The following PTPRT variants were observed in gnomAD, a reference collection of about 807,000 sequenced individuals.
The protein encoded by PTPRT is receptor-type tyrosine-protein phosphatase T.
In PTPRT, 56 loss-of-function variants were observed where a neutral mutation model predicts 176.8. The observed-to-expected ratio is 0.32, with a 90% CI of 0.26 to 0.40. The LOEUF is 0.40. Ranked by LOEUF, PTPRT falls within the 10% of genes least tolerant of loss-of-function variation. PTPRT has a pLI of 1.00. For synonymous variants in PTPRT, 783 were observed against 739.0 expected (o/e 1.06, Z -0.96); for missense variants, 1,540 against 1,908.2 (o/e 0.81, Z 3.60).
intron 16 of PTPRT, among the ~76,000 whole-genome samples, chr20:42,165,118 G>A (rs1466507513): frequency 6.6e-6 from 1 of 151,998 alleles, no homozygotes; most frequent in East Asian, 1.9e-4. Flanking sequence ...CCTCTTTGCT[G>A]TCTTCCTGCT....
chr20:43,039,602 C>G (rs1986524677), intron 1 of PTPRT, among the ~76,000 whole-genome samples: 1 of 151,402 alleles, frequency 6.6e-6, no homozygotes, highest in Non-Finnish European at 1.5e-5. Context: ...AATTTAAAAA[C>G]AAATAAAAAA....
chr20:42,520,896 T>C (rs185897533), intron 7 of PTPRT, among the ~76,000 whole-genome samples: 1 of 149,176 alleles, frequency 6.7e-6, no homozygotes. Flanking sequence ...TAGTAACTCA[T>C]GCCTAAACAC....
the PTPRT span, among the ~76,000 whole-genome samples, chr20:42,059,155 T>G: frequency 2.0e-5 from 3 of 152,246 alleles, no homozygotes; most frequent in South Asian, 6.2e-4. Flanking sequence ...GAGAGGGAGA[T>G]GATGTTGCCC....
chr20:42,666,260 CTATATG>C (rs1298321929), intron 7 of PTPRT, among the ~76,000 whole-genome samples: 1 of 152,024 alleles, frequency 6.6e-6, no homozygotes, highest in Non-Finnish European at 1.5e-5. Flanking sequence ...GGTTGGCACT[CTATATG>C]TATGAGTTTC....
At chr20:42,817,184 TAAGTC>T (rs1212671165) in intron 2 of PTPRT, among the ~76,000 whole-genome samples, 32 of 152,126 alleles carry the variant, frequency 2.1e-4, no homozygotes, top group African/African-American at 7.5e-4. Flanking sequence ...ATTAAGTTAA[TAAGTC>T]AAGAAAAGCA....
At chr20:42,793,692 G>C in intron 2 of PTPRT, among the ~76,000 whole-genome samples, 1 of 152,038 alleles carries the variant, frequency 6.6e-6, no homozygotes, top group East Asian at 1.9e-4. Context: ...CTCGCAAGGG[G>C]GCAGCTAAAA....
At chr20:42,425,531 G>A (rs1036464089) in intron 9 of PTPRT, among the ~76,000 whole-genome samples, 2 of 152,164 alleles carry the variant, frequency 1.3e-5, no homozygotes, top group African/African-American at 4.8e-5. Flanking sequence ...AGATGAATAA[G>A]TTCTGGGGAT....
In PTPRT at chr20:42,462,680, C is replaced by A. The variant is rs1372608816; in HGVS notation, c.1450+9586G>T. 2.0e-5 allele frequency among the ~76,000 whole-genome samples: 3 copies of A among 152,094 alleles called. No individual in the cohort carries two copies. In the East Asian group the frequency reaches 5.8e-4, roughly 29 times the overall value. ...GGGGTTAGAGGTTATTTAAAAGTGG[C>A]CTTTTGCCCAGGGCAAACGGAAATT... On this transcript the variant is annotated intron_variant, in intron 8 of 30. Coordinates refer to ENST00000373187, the MANE Select transcript of PTPRT (RefSeq NM_007050.6).
intron 16 of PTPRT, among the ~76,000 whole-genome samples, chr20:42,179,481 T>A (rs1370649268): frequency 1.3e-5 from 2 of 152,168 alleles, no homozygotes; most frequent in Non-Finnish European, 2.9e-5. Context: ...AGATAAAAAA[T>A]CCATTCCCTA....
intron 9 of PTPRT, among the ~76,000 whole-genome samples, chr20:42,434,304 C>G (rs78624678): frequency 6.6e-6 from 1 of 150,596 alleles, no homozygotes; most frequent in Non-Finnish European, 1.5e-5. Context: ...GTTGCCTTAA[C>G]CTTGACTCAA....
chr20:42,636,566 C>T (rs1300510143), intron 7 of PTPRT, among the ~76,000 whole-genome samples: 1 of 152,002 alleles, frequency 6.6e-6, no homozygotes, highest in African/African-American at 2.4e-5. Flanking sequence ...GGGGGCATCA[C>T]TTGAGATCAG....
Position 42,315,753 on chromosome 20 carries a change from G to A in PTPRT, c.2109C>T (p.Ile703=), listed in dbSNP as rs1233574724. Residue 703 remains isoleucine (I), a synonymous_variant, in exon 12 of 31, where the codon ATC becomes ATT. Transcript: ENST00000373187. ...TGGCTTTGCTGAGTGCCTGGAAGTA[G>A]ATGCTGTAGCTTTTCAGGGGAGAGA... ...PPLSPLKSYS[I]YFQALSKANG... is the part of the protein sequence containing the mutation. 9 of 1,614,012 alleles carry A rather than the reference G, an allele frequency of 5.6e-6. No individual in the cohort carries two copies. Among genetic ancestry groups the A allele is most frequent in the Non-Finnish European group, 7.6e-6 (9 of 1,180,006 alleles).
At chr20:42,788,247 C>T (rs566310296) in intron 3 of PTPRT, among the ~76,000 whole-genome samples, 2 of 118,420 alleles carry the variant, frequency 1.7e-5, no homozygotes, top group Admixed American at 8.6e-5. Context: ...CCAAGGCCAG[C>T]TCTGTCCCAC....
At chr20:42,487,423 C>T (rs2071481606) in intron 7 of PTPRT, among the ~76,000 whole-genome samples, 1 of 152,116 alleles carries the variant, frequency 6.6e-6, no homozygotes, top group African/African-American at 2.4e-5. Flanking sequence ...AAATATCAGC[C>T]CCCAAAGAGG....
intron 7 of PTPRT, among the ~76,000 whole-genome samples, chr20:42,611,900 T>C (rs2073981966): frequency 6.6e-6 from 1 of 152,180 alleles, no homozygotes; most frequent in African/African-American, 2.4e-5. Context: ...GGCTCTTGCC[T>C]GGTCCATCAA....
At chr20:42,716,340 T>C (rs1032998320) in intron 6 of PTPRT, among the ~76,000 whole-genome samples, 4 of 152,258 alleles carry the variant, frequency 2.6e-5, no homozygotes, top group Non-Finnish European at 4.4e-5. Flanking sequence ...GTCTTCCACA[T>C]GGTTGAACTA....
chr20:43,114,404 A>T (rs1197938767), intron 1 of PTPRT, among the ~76,000 whole-genome samples: 2 of 152,170 alleles, frequency 1.3e-5, no homozygotes, highest in African/African-American at 4.8e-5. Context: ...CAGTTTTCTC[A>T]TCTAAAAAAA....
chr20:42,125,874 T>C (rs758812616), intron 19 of PTPRT, among the ~76,000 whole-genome samples: 3 of 152,138 alleles, frequency 2.0e-5, no homozygotes, highest in Non-Finnish European at 2.9e-5. Flanking sequence ...AACTCAGGCA[T>C]GCCAGACCCT....
rs562451941 is a variant in PTPRT, at chr20:42,256,218, C to A, written c.2177-7396G>T. Among the ~76,000 whole-genome samples, 167 of 152,230 alleles carry A rather than the reference C, an allele frequency of 1.1e-3. 2 individuals are homozygous for A. Among genetic ancestry groups the A allele is most frequent in the African/African-American group, 3.9e-3 (160 of 41,536 alleles). ...GGCTCTTCTCAAGTCAGGTAAGCAC[C>A]ATAAACCTTCTTGATTTTGCTGGAA... On this transcript the variant is annotated intron_variant, in intron 13 of 30. Transcript: ENST00000373187.
Sources: allele counts gnomAD v4.1 joint callset (sites outside exome capture counted in the v4.1 genomes callset), GRCh38; gene constraint gnomAD v4.1.1; transcripts MANE v1.5; gene names NCBI Gene and HGNC (gene_info 2026-07-23, HGNC 2026-07-21).